NRXN3: variants seen among roughly 807,000 people sequenced by gnomAD.
NRXN3 encodes the protein neurexin 3.
Under a neutral mutation model 137.6 loss-of-function variants are expected in NRXN3, and 32 were observed. The observed-to-expected ratio is 0.23, with a 90% CI of 0.18 to 0.31. The LOEUF (loss-of-function observed/expected upper bound fraction) is 0.31, where lower values mean the gene tolerates loss of function less well. NRXN3 is among the 10% of genes least tolerant of loss of function. The pLI, the probability that NRXN3 is intolerant of heterozygous loss-of-function variation, is 1.00. For missense variants in NRXN3, 1,574 were observed against 2,062.5 expected (o/e 0.76, Z 4.59); for synonymous variants, 798 against 784.5 (o/e 1.02, Z -0.29).
intron 1 of NRXN3, among the ~76,000 whole-genome samples, chr14:78,207,302 C>T: frequency 6.6e-6 from 1 of 152,128 alleles, no homozygotes; most frequent in East Asian, 1.9e-4. Context: ...TTCTCCAGAG[C>T]CCTGCCACCC....
intron 16 of NRXN3, among the ~76,000 whole-genome samples, chr14:79,637,121 C>A (rs986335716): frequency 6.6e-6 from 1 of 152,102 alleles, no homozygotes; most frequent in Non-Finnish European, 1.5e-5. Context: ...TTACAAGCTG[C>A]GTGATTTGGG....
In NRXN3 at chr14:79,653,485, C is replaced by A. The variant is rs868184809; in HGVS notation, c.3445-10293C>A. ...TCATTACAATTTTAATGACTTATAA[C>A]TTTGCTCCATCTCCTCCATTACCAG... is the stretch of plus-strand genomic sequence containing the variant. On this transcript the variant is annotated intron_variant, in intron 16 of 20. Transcript: ENST00000335750. Among the ~76,000 whole-genome samples, 10 of 152,148 alleles carry A rather than the reference C, an allele frequency of 6.6e-5. No individual in the cohort carries two copies. In the South Asian group the frequency reaches 2.1e-3, roughly 32 times the overall value.
At chr14:79,359,812 A>G (rs2093622343) in intron 15 of NRXN3, among the ~76,000 whole-genome samples, 1 of 152,118 alleles carries the variant, frequency 6.6e-6, no homozygotes, top group Non-Finnish European at 1.5e-5. Context: ...TCACCCTTGC[A>G]AGCCAGTTAC....
rs991060801 is a variant in NRXN3 at position 79,460,307 on chromosome 14, G to A, written c.3263-6914G>A. ...CCAGCCAAGCATATTTGTAAGAACA[G>A]GGTTTGAACATAACCTATTATATCA... On this transcript the variant is annotated intron_variant, in intron 15 of 20. Transcript: ENST00000335750. 2.6e-5 allele frequency among the ~76,000 whole-genome samples: 4 copies of A among 152,130 alleles called. No individual in the cohort carries two copies. In the East Asian group the frequency reaches 7.7e-4, roughly 29 times the overall value.
chr14:78,453,241 C>T (rs2094593387), intron 4 of NRXN3, among the ~76,000 whole-genome samples: 1 of 152,212 alleles, frequency 6.6e-6, no homozygotes, highest in Admixed American at 6.5e-5. Flanking sequence ...TAATTTCCAA[C>T]ATCTCCAAGA....
chr14:79,297,696 A>G (rs1415939000), intron 15 of NRXN3, among the ~76,000 whole-genome samples: 1 of 152,150 alleles, frequency 6.6e-6, no homozygotes, highest in African/African-American at 2.4e-5. Context: ...GGGTGGTGGC[A>G]TTGAGGCTAG....
intron 15 of NRXN3, among the ~76,000 whole-genome samples, chr14:79,359,332 T>G (rs1219396061): frequency 1.3e-5 from 2 of 151,992 alleles, no homozygotes; most frequent in Non-Finnish European, 2.9e-5. Flanking sequence ...CTTGCAAGGG[T>G]GATTCCCTAC....
At chr14:79,491,172 T>G (rs2096713155) in intron 16 of NRXN3, among the ~76,000 whole-genome samples, 1 of 152,036 alleles carries the variant, frequency 6.6e-6, no homozygotes, top group Non-Finnish European at 1.5e-5. Flanking sequence ...AATCCAAAAT[T>G]TAGTGAGGTT....
chr14:79,774,533 A>G (rs2139911751), intron 19 of NRXN3, among the ~76,000 whole-genome samples: 1 of 152,288 alleles, frequency 6.6e-6, no homozygotes, highest in South Asian at 2.1e-4. Context: ...AACTATTTCT[A>G]GGACTTTAGA....
At chr14:78,419,568 C>T (rs992053312) in intron 4 of NRXN3, among the ~76,000 whole-genome samples, 1 of 152,224 alleles carries the variant, frequency 6.6e-6, no homozygotes, top group Non-Finnish European at 1.5e-5. Flanking sequence ...AGATCTCCCT[C>T]TCATAGTCAG....
intron 4 of NRXN3, among the ~76,000 whole-genome samples, chr14:78,636,924 C>T (rs1366765890): frequency 6.6e-6 from 1 of 151,628 alleles, no homozygotes; most frequent in African/African-American, 2.4e-5. Flanking sequence ...ACAGGCAGTA[C>T]AATTGTGTGC....
In NRXN3 at chr14:78,585,139, AGG is replaced by A. The variant is rs35902147; in HGVS notation, c.758-59972_758-59971del. Among the ~76,000 whole-genome samples, 66 of 117,462 alleles carry A rather than the reference AGG, an allele frequency of 5.6e-4. No individual in the cohort carries two copies. In the East Asian group the frequency reaches 0.011, roughly 20 times the overall value. 77.1% of individuals were successfully genotyped at this position (117,462 alleles called of 152,430 possible). On this transcript the variant is annotated intron_variant, in intron 4 of 20. Coordinates refer to ENST00000335750, the MANE Select transcript of NRXN3 (RefSeq NM_001330195.2). ...AAAATAAGAAGAAATAGGGGAGATA[AGG>A]GGGGGGGGTGATTAATTTATGTAGA...
At chr14:79,600,267 T>C (rs2097908671) in intron 16 of NRXN3, among the ~76,000 whole-genome samples, 1 of 152,196 alleles carries the variant, frequency 6.6e-6, no homozygotes, top group South Asian at 2.1e-4. Context: ...AGCCTTATTC[T>C]AGCTTTTATA....
chr14:79,208,777 G>T (rs1036522363), intron 15 of NRXN3, among the ~76,000 whole-genome samples: 1 of 152,056 alleles, frequency 6.6e-6, no homozygotes, highest in African/African-American at 2.4e-5. Context: ...ATGTAAAAAT[G>T]TTTGTAATTA....
intron 16 of NRXN3, among the ~76,000 whole-genome samples, chr14:79,523,568 C>T (rs916356134): frequency 1.3e-5 from 2 of 152,156 alleles, no homozygotes; most frequent in Admixed American, 6.5e-5. Flanking sequence ...GATCTGAGAT[C>T]GACAGCTGAT....
chr14:78,502,903 A>C (rs1228982024), intron 4 of NRXN3, among the ~76,000 whole-genome samples: 1 of 152,208 alleles, frequency 6.6e-6, no homozygotes, highest in Non-Finnish European at 1.5e-5. Flanking sequence ...GCCTGGTGCC[A>C]TGAGTCTGTG....
rs190268328 is a variant in NRXN3, at chr14:79,394,666, C to T, written c.3263-72555C>T. Reference sequence around the variant, plus strand: ...AAATCAGAACCTTTTGAGACAGGGGCAGGACTTGGCATCAGTATTTCTTAA... The same window carrying T: ...AAATCAGAACCTTTTGAGACAGGGGTAGGACTTGGCATCAGTATTTCTTAA... On this transcript the variant is annotated intron_variant, in intron 15 of 20. Coordinates refer to ENST00000335750, the MANE Select transcript of NRXN3 (RefSeq NM_001330195.2). Among the ~76,000 whole-genome samples, 140 of 152,234 alleles carry T rather than the reference C, an allele frequency of 9.2e-4. 1 individual carries two copies. Among genetic ancestry groups the T allele is most frequent in the Admixed American group, 2.0e-3 (30 of 15,300 alleles).
At chr14:78,900,053 T>C (rs1056200400) in intron 10 of NRXN3, among the ~76,000 whole-genome samples, 1 of 152,058 alleles carries the variant, frequency 6.6e-6, no homozygotes, top group African/African-American at 2.4e-5. Context: ...CCCAACTTAA[T>C]TGATGAGATA....
In NRXN3 at chr14:78,926,780, TA is replaced by T. The variant is rs1244297997; in HGVS notation, c.2276-30458del. 1.8e-4 allele frequency among the ~76,000 whole-genome samples: 7 copies of T among 38,570 alleles called. 1 individual carries two copies. The highest frequency in any genetic ancestry group is 1.2e-3 in the East Asian group (1 of 828). 25.3% of individuals were successfully genotyped at this position (38,570 alleles called of 152,430 possible). On this transcript the variant is annotated intron_variant, in intron 10 of 20. Coordinates refer to ENST00000335750, the MANE Select transcript of NRXN3 (RefSeq NM_001330195.2). ...ATATATATTATATATATTATATATA[TA>T]AAATATATTATATATTATATATTTA...
Sources: gnomAD v4.1 joint callset for allele counts (sites outside exome capture counted in the v4.1 genomes callset) on GRCh38, gnomAD v4.1.1 for gene constraint, MANE v1.5 for transcripts, NCBI Gene and HGNC (gene_info 2026-07-23, HGNC 2026-07-21) for gene names.